Variants in STAB2 observed in about 807,000 individuals in gnomAD.
The protein encoded by STAB2 is stabilin 2, also known as stabilin-2.
In STAB2, 288 loss-of-function variants were observed where a neutral mutation model predicts 338.1. The observed-to-expected ratio is 0.85, with a 90% CI of 0.77 to 0.94. The LOEUF (loss-of-function observed/expected upper bound fraction) is 0.94. STAB2 is among the 40% of genes least tolerant of loss of function. STAB2 has a pLI of 0.00. For synonymous variants in STAB2, 1,202 were observed against 1,193.3 expected (o/e 1.01, Z -0.15); for missense variants, 3,141 against 3,210.1 (o/e 0.98, Z 0.52).
rs192143938 is a variant in STAB2 at position 103,735,447 on chromosome 12, C to T, written c.5461-44C>T. The T allele has an allele frequency of 2.8e-5, 41 of 1,476,732 alleles. 1 individual carries two copies. Among genetic ancestry groups the T allele is most frequent in the African/African-American group, 1.8e-4 (13 of 71,012 alleles). 91.5% of individuals were successfully genotyped at this position (1,476,732 alleles called of 1,614,324 possible). A position where few individuals can be genotyped will look rare whatever the true frequency, so the allele number is the denominator to read the frequency against. On this transcript the variant is annotated intron_variant, in intron 51 of 68. Transcript: ENST00000388887. ...AAGCTCCTTCGGGCCGTCCCTTCTT[C>T]GGCCCAAATTTGGGGCAGTCACGTG...
chr12:103,739,536 T>C (rs1882412190), intron 54 of STAB2, 68 bp downstream of exon 54: 1 of 299,358 alleles, frequency 3.3e-6, no homozygotes, highest in South Asian at 6.3e-5. Flanking sequence ...CCTGTGTGTG[T>C]GTGTGTGTGT....
In STAB2 at chr12:103,695,850, T is replaced by C. The variant is rs2138932511; in HGVS notation, c.3582+6T>C. 3 of 1,611,996 alleles carry C rather than the reference T, an allele frequency of 1.9e-6. No individual in the cohort carries two copies. The East Asian group carries it at 6.7e-5, about 36-fold the overall frequency. On this transcript the variant is annotated splice_donor_region_variant and intron_variant, in intron 33 of 68. Transcript: ENST00000388887. ...AGAAGAAAGTCTTGTCTCTAGTAAG[T>C]GTCAAGAACTATAACTAGGGAAGTT... is the stretch of plus-strand genomic sequence containing the variant.
intron 63 of STAB2, among the ~76,000 whole-genome samples, chr12:103,756,997 ATATATATATATATATAT>A (rs1182465788): frequency 1.5e-5 from 2 of 130,152 alleles, no homozygotes; most frequent in Non-Finnish European, 3.4e-5. Flanking sequence ...AGGAGGGAAA[ATATATATATATATATAT>A]ATATATATAT....
chr12:103,671,319 G>A (rs989136601), intron 22 of STAB2, among the ~76,000 whole-genome samples: 2 of 152,150 alleles, frequency 1.3e-5, no homozygotes, highest in African/African-American at 4.8e-5. Flanking sequence ...GGGTGTGGTG[G>A]CAGGTGCCTG....
In STAB2 at chr12:103,717,832, C is replaced by G; in HGVS notation, c.4674C>G (p.Val1558=). 1 of 1,614,094 alleles carries G rather than the reference C, an allele frequency of 6.2e-7. No individual in the cohort carries two copies. Among genetic ancestry groups the G allele is most frequent in the Non-Finnish European group, 8.5e-7 (1 of 1,179,990 alleles). The change falls in exon 44 of 69, where the codon GTC becomes GTG. Residue 1558 remains valine (V), a synonymous_variant. Transcript: ENST00000388887. ...GDGKVCTLIN[V]CLTKNGGCSE... ...GAAAGGTCTGCACACTCATCAATGT[C>G]TGCTTAACTGTGAGTATGGCTCTAG...
rs982642049 is a variant in STAB2 at position 103,765,912 on chromosome 12, G to A, written c.7606-374G>A. 166 of 358,892 alleles carry A rather than the reference G, an allele frequency of 4.6e-4. 2 individuals are homozygous for A. The highest frequency in any genetic ancestry group is 3.2e-3 in the South Asian group (147 of 46,168). The allele number at this position is 358,892 out of a possible 1,614,324, so 22.2% of individuals were successfully genotyped here. A position where few individuals can be genotyped will look rare whatever the true frequency, so the allele number is the denominator to read the frequency against. On this transcript the variant is annotated intron_variant, in intron 68 of 68. Coordinates refer to ENST00000388887, the MANE Select transcript of STAB2 (RefSeq NM_017564.10). ...CTGGTTCAAGATGAATTTTCAAACC[G>A]AAAGGAGTTTTTATAATATTATTAG... is the stretch of plus-strand genomic sequence containing the variant.
At position 103,668,704 on chromosome 12, in the gene STAB2, C is replaced by T; in HGVS notation, c.2147C>T (p.Ala716Val). 1 of 1,549,250 alleles carries T rather than the reference C, an allele frequency of 6.5e-7. No individual in the cohort carries two copies. Among genetic ancestry groups the T allele is most frequent in the South Asian group, 1.2e-5 (1 of 83,956 alleles). ...GRFGSLKSGC[A>V]RYCNATVKIP... ...TTTGGGAGCCTGAAGAGCGGCTGTG[C>T]CCGGTACTGCAATGCCACTGTGAAG... Residue 716 changes from alanine (A) to valine (V), a missense_variant, in exon 20 of 69, where the codon GCC becomes GTC. Coordinates refer to ENST00000388887, the MANE Select transcript of STAB2 (RefSeq NM_017564.10).
Position 103,651,398 on chromosome 12 carries a change from C to T in STAB2, c.1257+820C>T, listed in dbSNP as rs137893264. ...GCGCAATCTCGGCTCACTGCAACCT[C>T]TGCCTTCCGGGTTCAAGCTATTCTC... On this transcript the variant is annotated intron_variant, in intron 11 of 68. Transcript: ENST00000388887. Among the ~76,000 whole-genome samples the T allele has an allele frequency of 3.3e-3, 498 of 151,184 alleles. 1 individual carries two copies. Among genetic ancestry groups the T allele is most frequent in the Non-Finnish European group, 4.9e-3 (331 of 67,922 alleles).
At chr12:103,757,445 G>T (rs1884214580) in intron 63 of STAB2, among the ~76,000 whole-genome samples, 1 of 152,196 alleles carries the variant, frequency 6.6e-6, no homozygotes, top group South Asian at 2.1e-4. Context: ...GAACAAGCAA[G>T]CAAACAATAA....
In STAB2 at chr12:103,742,564, G is replaced by T; in HGVS notation, c.6031+10G>T. 6.2e-7 allele frequency: 1 copy of T among 1,614,016 alleles called. No individual in the cohort carries two copies. The highest frequency in any genetic ancestry group is 1.3e-5 in the African/African-American group (1 of 75,014). On this transcript the variant is annotated intron_variant, in intron 56 of 68. Transcript: ENST00000388887. The stretch of plus-strand genomic sequence containing the variant: ...GGGCCTGATTGTCTGCGTATGTGGC[G>T]CCGCTTCTCCGTGCTAGAGCTTGTT...
intron 9 of STAB2, among the ~76,000 whole-genome samples, 162 bp from the exon 10 acceptor site, chr12:103,648,528 G>A (rs1258878037): frequency 6.6e-6 from 1 of 152,030 alleles, no homozygotes; most frequent in Non-Finnish European, 1.5e-5. Flanking sequence ...TCCATTTCTT[G>A]AGGAGCTACT....
intron 63 of STAB2, 184 bp from the exon 64 acceptor site, chr12:103,757,986 G>A: frequency 2.4e-6 from 2 of 817,564 alleles, no homozygotes; most frequent in South Asian, 3.6e-5. Flanking sequence ...AGGATTCACT[G>A]AGGAAAGGAA....
intron 3 of STAB2, among the ~76,000 whole-genome samples, chr12:103,596,658 T>G (rs759603583): frequency 6.6e-6 from 1 of 152,132 alleles, no homozygotes; most frequent in African/African-American, 2.4e-5. Context: ...AAAATGACAC[T>G]CCTCTGAACC....
chr12:103,655,099 C>T (rs1019770075), intron 13 of STAB2, 152 bp from the exon 14 acceptor site: 2 of 760,302 alleles, frequency 2.6e-6, no homozygotes, highest in Non-Finnish European at 4.4e-6. Context: ...CGACAGCGAA[C>T]ATTTATATAA....
chr12:103,728,989 C>T lies in STAB2; in HGVS notation c.5076C>T (p.Val1692=). ...AAGGAGAGCCAATAGTCATCTCCGT[C>T]TCTCAGGTAGATGCCAGTTATCCTT... The part of the protein sequence containing the change: ...SLQGEPIVIS[V]SQSTVYINNK... Residue 1692 remains valine (V), a synonymous_variant, in exon 48 of 69, where the codon GTC becomes GTT. Coordinates refer to ENST00000388887, the MANE Select transcript of STAB2 (RefSeq NM_017564.10). The T allele has an allele frequency of 6.2e-7, 1 of 1,613,820 alleles. No homozygotes were observed. Among genetic ancestry groups the T allele is most frequent in the Non-Finnish European group, 8.5e-7 (1 of 1,179,762 alleles).
chr12:103,655,551 C>T lies in STAB2; in HGVS notation c.1704C>T (p.Asp568=), dbSNP rs373892251. 39 of 1,613,756 alleles carry T rather than the reference C, an allele frequency of 2.4e-5. No homozygotes were observed. Among genetic ancestry groups the T allele is most frequent in the East Asian group, 4.5e-5 (2 of 44,860 alleles). ...ATGAAGCATTGAATAACATGAAGGA[C>T]GGCACTCTCGATTACCTCCTTTCTC... The part of the protein sequence containing the change: ...PNNEALNNMK[D]GTLDYLLSPE... Residue 568 remains aspartate (D), a synonymous_variant, in exon 15 of 69, where the codon GAC becomes GAT. Transcript: ENST00000388887.
chr12:103,665,063 A>C (rs1389834305), intron 18 of STAB2, among the ~76,000 whole-genome samples: 1 of 152,254 alleles, frequency 6.6e-6, no homozygotes, highest in Non-Finnish European at 1.5e-5. Context: ...TTTTGGTTAC[A>C]TAAGGAAAAG....
At chr12:103,718,555 C>T (rs1880514449) in intron 44 of STAB2, among the ~76,000 whole-genome samples, 1 of 152,144 alleles carries the variant, frequency 6.6e-6, no homozygotes, top group Non-Finnish European at 1.5e-5. Flanking sequence ...ACCAACATTT[C>T]AAGGATTGCC....
chr12:103,683,988 A>T (rs527798370), intron 26 of STAB2, among the ~76,000 whole-genome samples: 29 of 152,290 alleles, frequency 1.9e-4, no homozygotes, highest in African/African-American at 6.5e-4. Flanking sequence ...TAGAGGCAGG[A>T]AGTATAGCTA....
Sources: gnomAD v4.1 joint callset for allele counts (sites outside exome capture counted in the v4.1 genomes callset) on GRCh38, gnomAD v4.1.1 for gene constraint, MANE v1.5 for transcripts, NCBI Gene and HGNC (gene_info 2026-07-23, HGNC 2026-07-21) for gene names.